Variants in ABCA4 observed in about 807,000 individuals in gnomAD.
The protein encoded by ABCA4 is ATP binding cassette subfamily A member 4.
ABCA4 carries 196 observed loss-of-function variants against 263.7 expected under a neutral mutation model. That is an observed-to-expected ratio of 0.74 (90% CI 0.66 to 0.84). The LOEUF (loss-of-function observed/expected upper bound fraction) is 0.84, where lower values mean the gene tolerates loss of function less well. Among genes scored for constraint, ABCA4 ranks in the 40% least tolerant of loss-of-function variants. The pLI is 0.00. For synonymous variants in ABCA4, 1,133 were observed against 1,094.2 expected, an observed-to-expected ratio of 1.04 and a Z score of -0.70; for missense variants, 2,792 against 2,855.1, an observed-to-expected ratio of 0.98 and a Z score of 0.50.
rs1220912878 is a variant in ABCA4, at chr1:94,007,737, A to G, written c.5902T>C (p.Phe1968Leu). 6.2e-7 allele frequency: 1 copy of G among 1,613,768 alleles called. No homozygotes were observed. The highest frequency in any genetic ancestry group is 1.7e-5 in the Admixed American group (1 of 60,022). Reference protein sequence around the residue: ...LCVGVRPGECFGLLGVNGAGK... With the variant: ...LCVGVRPGECLGLLGVNGAGK... ...GCACCATTCACTCCCAGGAGGCCAA[A>G]GCACTAGGAGAAAACACAGAGCTAG... Residue 1968 changes from phenylalanine to leucine, a missense_variant, in exon 43 of 50, where the codon TTT (phenylalanine) becomes CTT (leucine). Transcript: ENST00000370225.
intron 38 of ABCA4, among the ~76,000 whole-genome samples, chr1:94,012,535 T>C (rs931952841): frequency 6.6e-6 from 1 of 152,192 alleles, no homozygotes; most frequent in African/African-American, 2.4e-5. Flanking sequence ...GTCCTAATTA[T>C]TTTTTTGTCC....
chr1:94,015,684 C>T (rs2101015289), intron 37 of ABCA4, 55 bp downstream of exon 37: 4 of 1,428,168 alleles, frequency 2.8e-6, no homozygotes, highest in South Asian at 1.2e-5. Context: ...TGATCCCCCA[C>T]CCCCACCACC....
chr1:94,001,108 G>C lies in ABCA4; in HGVS notation c.6283-3C>G. The C allele has an allele frequency of 1.9e-6, 3 of 1,610,764 alleles. No individual in the cohort carries two copies. The highest frequency in any genetic ancestry group is 1.1e-5 in the South Asian group (1 of 90,922). On this transcript the variant is annotated splice_region_variant and splice_polypyrimidine_tract_variant and intron_variant, in intron 45 of 49. Coordinates refer to ENST00000370225, the MANE Select transcript of ABCA4 (RefSeq NM_000350.3). ...TCCATCCCTGTGGTGGGCTCATCCT[G>C]GGGGGTGGAGAGAAGGTTGGGGGCA...
intron 31 of ABCA4, among the ~76,000 whole-genome samples, chr1:94,023,927 C>A (rs1455232315): frequency 1.3e-5 from 2 of 152,216 alleles, no homozygotes. Flanking sequence ...GACCCCAGAG[C>A]TCAATCCCAT....
In ABCA4 at chr1:93,996,202, G is replaced by T. The variant is rs1405122437; in HGVS notation, c.6730-7C>A. Reference sequence around the variant, plus strand: ...TAGCAAAATTTACAAACACCTAGAGGTAAGAGAAGAGCGAGATTAGGTAGA... The same window carrying T: ...TAGCAAAATTTACAAACACCTAGAGTTAAGAGAAGAGCGAGATTAGGTAGA... On this transcript the variant is annotated splice_polypyrimidine_tract_variant and splice_region_variant and intron_variant, in intron 48 of 49. Transcript: ENST00000370225. 6.2e-7 allele frequency: 1 copy of T among 1,605,742 alleles called. No homozygotes were observed. The highest frequency in any genetic ancestry group is 8.5e-7 in the Non-Finnish European group (1 of 1,173,288).
chr1:94,018,550 A>T (rs1659801832), intron 36 of ABCA4: 1 of 455,838 alleles, frequency 2.2e-6, no homozygotes, highest in Non-Finnish European at 4.4e-6. Flanking sequence ...TAGAAATCAT[A>T]TCTTCAGGAA....
intron 6 of ABCA4, 29 bp downstream of exon 6, chr1:94,098,765 A>C: frequency 6.2e-7 from 1 of 1,612,752 alleles, no homozygotes; most frequent in Non-Finnish European, 8.5e-7. Flanking sequence ...TCACCTTGCA[A>C]TTGGCGAGCA....
rs566812620 is a variant in ABCA4, at chr1:94,001,527, C to A, written c.6282+331G>T. On this transcript the variant is annotated intron_variant, in intron 45 of 49. Coordinates refer to ENST00000370225, the MANE Select transcript of ABCA4 (RefSeq NM_000350.3). ...CTGGCTCAGCTCAGGAGCCTTTGAC[C>A]CAGCTCAGTGCTCCTGTATGGGGAC... is the stretch of plus-strand genomic sequence containing the variant. 2.3e-4 allele frequency: 131 copies of A among 568,816 alleles called. 1 individual carries two copies. The highest frequency in any genetic ancestry group is 2.0e-3 in the South Asian group (131 of 64,368). The allele number at this position is 568,816 out of a possible 1,614,324, so 35.2% of individuals were successfully genotyped here. A position where few individuals can be genotyped will look rare whatever the true frequency, so the allele number is the denominator to read the frequency against.
intron 1 of ABCA4, among the ~76,000 whole-genome samples, chr1:94,115,075 C>G (rs1662722965): frequency 6.6e-6 from 1 of 152,180 alleles, no homozygotes. Flanking sequence ...ACAGCCTCCC[C>G]CAGGGTCATG....
chr1:93,993,124 AGTGGG>A lies in ABCA4; in HGVS notation c.*108_*112del. 1 of 1,388,332 alleles carries A rather than the reference AGTGGG, an allele frequency of 7.2e-7. No homozygotes were observed. The highest frequency in any genetic ancestry group is 1.0e-6 in the Non-Finnish European group (1 of 980,738). The allele number at this position is 1,388,332 out of a possible 1,614,324, so 86.0% of individuals were successfully genotyped here. A position where few individuals can be genotyped will look rare whatever the true frequency, so the allele number is the denominator to read the frequency against. On this transcript the variant is annotated 3_prime_UTR_variant, in exon 50 of 50. Coordinates refer to ENST00000370225, the MANE Select transcript of ABCA4 (RefSeq NM_000350.3). Reference sequence around the variant, plus strand: ...TCCTCGTGTGTTTGTTTTCTGCTGCAGTGGGGTCATTTACGCTGGCCAGTCCATTT... The same window carrying A: ...TCCTCGTGTGTTTGTTTTCTGCTGCAGTCATTTACGCTGGCCAGTCCATTT...
chr1:94,056,937 C>A (rs760916622), intron 14 of ABCA4, 115 bp from the exon 15 acceptor site: 52 of 864,910 alleles, frequency 6.0e-5, no homozygotes, highest in Non-Finnish European at 9.3e-5. Context: ...TTTCTACGCA[C>A]ACTCCATGTG....
At chr1:94,025,693 C>T (rs1036808239) in intron 30 of ABCA4, 3 of 160,890 alleles carry the variant, frequency 1.9e-5, no homozygotes, top group Non-Finnish European at 2.8e-5. Flanking sequence ...TTTTATTCCT[C>T]GGAGAAATGT....
At chr1:94,079,289 G>T in intron 9 of ABCA4, 33 bp downstream of exon 9, 1 of 1,613,808 alleles carries the variant, frequency 6.2e-7, no homozygotes, top group Non-Finnish European at 8.5e-7. Flanking sequence ...GGGAGGTCCA[G>T]GGTACACAAG....
intron 16 of ABCA4, among the ~76,000 whole-genome samples, chr1:94,053,151 T>C (rs1052691500): frequency 2.0e-5 from 3 of 152,218 alleles, no homozygotes; most frequent in African/African-American, 7.2e-5. Context: ...GACCCCATAC[T>C]GTGCTTCTCT....
At position 94,099,855 on chromosome 1, in the gene ABCA4, T is replaced by G. The variant is rs148357177; in HGVS notation, c.571-864A>C. Among the ~76,000 whole-genome samples the G allele has an allele frequency of 3.0e-4, 45 of 152,254 alleles. 1 individual carries two copies. The highest frequency in any genetic ancestry group is 3.4e-3 in the Middle Eastern group (1 of 294). Reference sequence around the variant, plus strand: ...GAGTGCACATTCTGCAGCTCCTAGGTAGCTCAAGGATAGTGGTTCTTGAAG... The same window carrying G: ...GAGTGCACATTCTGCAGCTCCTAGGGAGCTCAAGGATAGTGGTTCTTGAAG... On this transcript the variant is annotated intron_variant, in intron 5 of 49. Coordinates refer to ENST00000370225, the MANE Select transcript of ABCA4 (RefSeq NM_000350.3).
rs1264535245 is a variant in ABCA4, at chr1:94,043,626, A to G, written c.3051-151T>C. ...TTATGATACAATACAAAAATAGCAG[A>G]CCCTGCTTAAATATCTAATAAGAGG... On this transcript the variant is annotated intron_variant, in intron 20 of 49. Coordinates refer to ENST00000370225, the MANE Select transcript of ABCA4 (RefSeq NM_000350.3). 6 of 1,053,426 alleles carry G rather than the reference A, an allele frequency of 5.7e-6. No homozygotes were observed. The African/African-American group carries it at 6.3e-5, about 11-fold the overall frequency. 65.3% of individuals were successfully genotyped at this position (1,053,426 alleles called of 1,614,324 possible).
Position 94,098,928 on chromosome 1 carries a change from G to A in ABCA4, c.634C>T (p.Arg212Cys), listed in dbSNP as rs61750200. 183 of 1,613,308 alleles carry A rather than the reference G, an allele frequency of 1.1e-4. No homozygotes were observed. Among genetic ancestry groups the A allele is most frequent in the Admixed American group, 3.3e-4 (20 of 60,004 alleles). The change falls in exon 6 of 50, where the codon CGC becomes TGC. Residue 212 changes from arginine (R) to cysteine (C), a missense_variant. Transcript: ENST00000370225. The stretch of plus-strand genomic sequence containing the variant: ...CGTCTCTGGCTGAAGATGATGAAGC[G>A]CTCCAGGAGGGCCTCGCTGCAGGCG... ...DIACSEALLE[R>C]FIIFSQRRGA...
Position 94,048,882 on chromosome 1 carries a change from G to A in ABCA4, c.2729C>T (p.Pro910Leu), listed in dbSNP as rs968740808. The stretch of plus-strand genomic sequence containing the variant: ...CGGGGTTTTACCGTGTATTCCTTCT[G>A]GGTGCTCTGGATCCTCCGTTTCCTC... The part of the protein sequence containing the change: ...LTEETEDPEH[P>L]EGIHDSFFER... Residue 910 changes from proline (P) to leucine (L), a missense_variant, in exon 18 of 50, where the codon CCA (proline) becomes CTA (leucine). Transcript: ENST00000370225. 6.2e-7 allele frequency: 1 copy of A among 1,614,072 alleles called. No homozygotes were observed. Among genetic ancestry groups the A allele is most frequent in the Non-Finnish European group, 8.5e-7 (1 of 1,179,998 alleles).
At chr1:94,079,727 A>G (rs1467267972) in intron 8 of ABCA4, among the ~76,000 whole-genome samples, 1 of 152,208 alleles carries the variant, frequency 6.6e-6, no homozygotes, top group African/African-American at 2.4e-5. Context: ...AAGGAGGCTG[A>G]GAAGCCTGCC....
Sources: allele counts gnomAD v4.1 joint callset (sites outside exome capture counted in the v4.1 genomes callset), GRCh38; gene constraint gnomAD v4.1.1; transcripts MANE v1.5; gene names NCBI Gene and HGNC (gene_info 2026-07-23, HGNC 2026-07-21).